The following PUM2 variants were observed in gnomAD, a reference collection of about 807,000 sequenced individuals.
The protein encoded by PUM2 is pumilio RNA binding family member 2, also known as pumilio homolog 2.
In PUM2, 57 loss-of-function variants were observed where a neutral mutation model predicts 124.5. The observed-to-expected ratio is 0.46, with a 90% CI of 0.37 to 0.57. The LOEUF (loss-of-function observed/expected upper bound fraction) is 0.57. Among genes scored for constraint, PUM2 ranks in the 20% least tolerant of loss-of-function variants. The pLI is 0.00. For missense variants in PUM2, 1,065 were observed against 1,290.6 expected (o/e 0.83, Z 2.68); for synonymous variants, 460 against 446.1 (o/e 1.03, Z -0.39).
intron 1 of PUM2, 106 bp from the exon 2 acceptor site, chr2:20,327,484 A>T (rs1238858877): frequency 2.9e-6 from 2 of 683,728 alleles, no homozygotes; most frequent in Non-Finnish European, 4.8e-6. Flanking sequence ...GCATGATCTG[A>T]GAAAGGGAAG....
Position 20,290,667 on chromosome 2 carries a change from C to T in PUM2, c.1276G>A (p.Ala426Thr), listed in dbSNP as rs1673828884. 6 of 1,610,582 alleles carry T rather than the reference C, an allele frequency of 3.7e-6. No individual in the cohort carries two copies. Among genetic ancestry groups the T allele is most frequent in the Non-Finnish European group, 3.4e-6 (4 of 1,179,074 alleles). ...AATTGTATACCTGGCATGCCAGTAG[C>T]AAGACCCTGACCAAAAGCCAATGTT... is the stretch of plus-strand genomic sequence containing the variant. ...NPTLAFGQGL[A>T]TGMPGYQVLA... The change falls in exon 10 of 21, where the codon GCT becomes ACT. Residue 426 changes from alanine (A) to threonine (T), a missense_variant. This residue lies in a region of PUM2 where 968 missense variants were observed against 1,159.8 expected (regional missense o/e 0.83). Transcript: ENST00000361078.
intron 5 of PUM2, among the ~76,000 whole-genome samples, chr2:20,310,666 T>TTTCATAA (rs1379206885): frequency 4.9e-4 from 1 of 2,042 alleles, no homozygotes; most frequent in Non-Finnish European, 1.3e-3. Context: ...TTACTTTGCT[T>TTTCATAA]TTGAAGGCAA....
intron 10 of PUM2, among the ~76,000 whole-genome samples, chr2:20,289,248 G>A (rs1326796029): frequency 1.3e-5 from 2 of 152,140 alleles, no homozygotes; most frequent in African/African-American, 4.8e-5. Flanking sequence ...AACACATGCA[G>A]GCCAGAGGCA....
chr2:20,283,107 A>T lies in PUM2; in HGVS notation c.1560T>A (p.Ser520=). 1 of 1,614,170 alleles carries T rather than the reference A, an allele frequency of 6.2e-7. No individual in the cohort carries two copies. Among genetic ancestry groups the T allele is most frequent in the Non-Finnish European group, 8.5e-7 (1 of 1,180,028 alleles). ...AAGAACTGCTTCCATAAAATGAATTAGATTGCAGATTAGTGCTTGGCTGCT... is the reference window on the plus strand; with the variant it reads ...AAGAACTGCTTCCATAAAATGAATTTGATTGCAGATTAGTGCTTGGCTGCT... The part of the protein sequence containing the change: ...QQQQPSTNLQ[S]NSFYGSSSLT... Residue 520 remains serine, a synonymous_variant, in exon 12 of 21, where the codon TCT becomes TCA. Transcript: ENST00000361078.
chr2:20,339,843 C>T (rs72787500), intron 1 of PUM2, among the ~76,000 whole-genome samples: 38,234 of 152,058 alleles, frequency 0.25, 5,401 homozygotes, highest in Non-Finnish European at 0.32. Context: ...TCATGTGAGC[C>T]GAGATCGTGC....
intron 3 of PUM2, among the ~76,000 whole-genome samples, chr2:20,314,340 ATCT>A (rs1558624481): frequency 6.6e-6 from 1 of 152,134 alleles, no homozygotes; most frequent in Non-Finnish European, 1.5e-5. Flanking sequence ...AAACTAAATT[ATCT>A]TCTATCTTAA....
At chr2:20,335,869 C>A (rs188964822) in intron 1 of PUM2, among the ~76,000 whole-genome samples, 9 of 152,298 alleles carry the variant, frequency 5.9e-5, no homozygotes, top group Non-Finnish European at 8.8e-5. Context: ...TATATATGTG[C>A]AAACATAAGA....
intron 9 of PUM2, among the ~76,000 whole-genome samples, chr2:20,292,931 A>AAAAC (rs1558569228): frequency 2.0e-5 from 3 of 152,118 alleles, no homozygotes; most frequent in African/African-American, 7.2e-5. Flanking sequence ...CCATCTCAAA[A>AAAAC]AAAACAAAAC....
intron 1 of PUM2, among the ~76,000 whole-genome samples, chr2:20,328,842 A>G (rs1684269207): frequency 6.6e-6 from 1 of 152,224 alleles, no homozygotes; most frequent in South Asian, 2.1e-4. Context: ...AATAAAACAA[A>G]GATGACTCTC....
chr2:20,334,890 C>T (rs1459017921), intron 1 of PUM2, among the ~76,000 whole-genome samples: 1 of 152,130 alleles, frequency 6.6e-6, no homozygotes, highest in Non-Finnish European at 1.5e-5. Flanking sequence ...ACAAATAAGT[C>T]AATACACAGA....
At chr2:20,306,366 A>G (rs867934889) in intron 7 of PUM2, among the ~76,000 whole-genome samples, 19 of 152,190 alleles carry the variant, frequency 1.2e-4, no homozygotes, top group African/African-American at 4.6e-4. Flanking sequence ...AGCAAGAACC[A>G]AAAACTTAAA....
chr2:20,339,398 A>G (rs1421890893), intron 1 of PUM2, among the ~76,000 whole-genome samples: 1 of 152,310 alleles, frequency 6.6e-6, no homozygotes, highest in East Asian at 1.9e-4. Context: ...CTTAAAAGAA[A>G]AATATTTTCA....
chr2:20,344,153 T>C (rs1002763478), intron 1 of PUM2, among the ~76,000 whole-genome samples: 1 of 152,206 alleles, frequency 6.6e-6, no homozygotes, highest in Non-Finnish European at 1.5e-5. Flanking sequence ...CTGCAATCTC[T>C]ACCTCTTGGG....
chr2:20,317,574 TG>T (rs781185648), intron 3 of PUM2, among the ~76,000 whole-genome samples: 14 of 152,166 alleles, frequency 9.2e-5, no homozygotes, highest in South Asian at 2.1e-4. Context: ...TATTCTAGAT[TG>T]GGGGGGTACA....
At chr2:20,323,943 G>C (rs1291660955) in intron 2 of PUM2, among the ~76,000 whole-genome samples, 1 of 118,566 alleles carries the variant, frequency 8.4e-6, no homozygotes, top group Non-Finnish European at 1.7e-5. Context: ...AAAAAATCCA[G>C]TATCAGATCA....
chr2:20,347,974 C>G (rs1397380557), intron 1 of PUM2, among the ~76,000 whole-genome samples: 1 of 152,110 alleles, frequency 6.6e-6, no homozygotes, highest in Non-Finnish European at 1.5e-5. Flanking sequence ...CTCATCAAAG[C>G]GAAGTGAGGA....
chr2:20,332,746 G>A (rs963415597), intron 1 of PUM2, among the ~76,000 whole-genome samples: 10 of 152,080 alleles, frequency 6.6e-5, no homozygotes, highest in South Asian at 6.2e-4. Context: ...GACTTTATCC[G>A]AATGATTAAA....
chr2:20,263,058 C>A, intron 14 of PUM2, 135 bp downstream of exon 14: 2 of 767,604 alleles, frequency 2.6e-6, no homozygotes, highest in South Asian at 2.3e-5. Flanking sequence ...AAAGAAAAAA[C>A]ATATAATCCA....
At position 20,283,363 on chromosome 2, in the gene PUM2, C is replaced by T. The variant is rs751927572; in HGVS notation, c.1415G>A (p.Ser472Asn). 6.2e-7 allele frequency: 1 copy of T among 1,614,078 alleles called. No homozygotes were observed. The highest frequency in any genetic ancestry group is 1.7e-5 in the Admixed American group (1 of 59,944). Residue 472 changes from serine (S) to asparagine (N), a missense_variant, in exon 11 of 21, where the codon AGT (serine) becomes AAT (asparagine). Transcript: ENST00000361078. ...RLMAPTPVLI[S>N]SAAAQAAAAA... The stretch of plus-strand genomic sequence containing the variant: ...CTTACCAGCTTGTGCTGCTGCTGAA[C>T]TAATTAAAACAGGTGTTGGAGCCAT...
Sources: allele counts gnomAD v4.1 joint callset (sites outside exome capture counted in the v4.1 genomes callset), GRCh38; gene constraint gnomAD v4.1.1; regional missense constraint gnomAD v4.1.1; transcripts MANE v1.5; gene names NCBI Gene and HGNC (gene_info 2026-07-23, HGNC 2026-07-21).